ZNF638: variants seen among roughly 807,000 people sequenced by gnomAD.
ZNF638 encodes zinc finger protein 638.
In ZNF638, 46 loss-of-function variants were observed where a neutral mutation model predicts 195.6. The ratio of observed to expected loss-of-function variants is 0.24; its 90% CI spans 0.19 to 0.30. ZNF638 has a LOEUF of 0.30. Ranked by LOEUF, ZNF638 falls within the 10% of genes least tolerant of loss-of-function variation. The probability of loss-of-function intolerance (pLI) is 1.00; values close to 1 mark genes in which losing one functional copy is unlikely to be tolerated. For missense variants in ZNF638, 2,440 were observed against 2,325.3 expected (o/e 1.05, Z -1.01); for synonymous variants, 845 against 772.0 (o/e 1.09, Z -1.57).
intron 10 of ZNF638, among the ~76,000 whole-genome samples, chr2:71,381,949 C>A (rs974876912): frequency 2.6e-5 from 4 of 151,888 alleles, no homozygotes; most frequent in Non-Finnish European, 4.4e-5. Context: ...ATGTAAAAAT[C>A]CCACTGAGAA....
intron 10 of ZNF638, among the ~76,000 whole-genome samples, chr2:71,382,841 A>G (rs1442566117): frequency 2.6e-5 from 4 of 152,194 alleles, no homozygotes; most frequent in Admixed American, 6.5e-5. Context: ...TAAAGTTAGA[A>G]TTTAGTGTAC....
chr2:71,346,849 A>C (rs1406842023), intron 1 of ZNF638, among the ~76,000 whole-genome samples: 4 of 152,014 alleles, frequency 2.6e-5, no homozygotes, highest in African/African-American at 4.8e-5. Flanking sequence ...ACGAAACCCC[A>C]TCTCTACTAA....
intron 10 of ZNF638, among the ~76,000 whole-genome samples, chr2:71,385,881 A>G (rs1462885522): frequency 1.3e-5 from 2 of 152,200 alleles, no homozygotes; most frequent in African/African-American, 2.4e-5. Context: ...AGGAATATTA[A>G]TGTTAAATTT....
At chr2:71,418,285 T>C (rs2080346703) in intron 20 of ZNF638, 2 of 205,868 alleles carry the variant, frequency 9.7e-6, no homozygotes, top group Middle Eastern at 1.7e-3. Flanking sequence ...AAGATGTTGA[T>C]ATTTCACATT....
intron 17 of ZNF638, among the ~76,000 whole-genome samples, chr2:71,404,613 A>G (rs951460752): frequency 6.6e-6 from 1 of 152,136 alleles, no homozygotes; most frequent in Non-Finnish European, 1.5e-5. Context: ...GCTCCTCAGG[A>G]TGCTGAGGTA....
chr2:71,383,956 C>T, intron 10 of ZNF638, among the ~76,000 whole-genome samples: 1 of 151,788 alleles, frequency 6.6e-6, no homozygotes, highest in East Asian at 1.9e-4. Flanking sequence ...CCCTTACGTA[C>T]ATAAACTCTT....
chr2:71,430,458 C>T (rs1276918371), intron 25 of ZNF638, among the ~76,000 whole-genome samples: 2 of 152,078 alleles, frequency 1.3e-5, no homozygotes, highest in Non-Finnish European at 2.9e-5. Flanking sequence ...AGTTCCTTGC[C>T]ATCCCCTCAG....
At chr2:71,372,711 T>G (rs1412840224) in intron 8 of ZNF638, among the ~76,000 whole-genome samples, 1 of 152,186 alleles carries the variant, frequency 6.6e-6, no homozygotes, top group Non-Finnish European at 1.5e-5. Context: ...TAGGGTTCTA[T>G]TCTACCATTT....
chr2:71,377,666 G>C (rs1353596912), intron 8 of ZNF638, among the ~76,000 whole-genome samples: 1 of 152,234 alleles, frequency 6.6e-6, no homozygotes, highest in African/African-American at 2.4e-5. Context: ...AGAGAGGTGT[G>C]ATCCTACTCT....
At chr2:71,367,513 A>G (rs185044228) in intron 6 of ZNF638, among the ~76,000 whole-genome samples, 106 of 149,362 alleles carry the variant, frequency 7.1e-4, no homozygotes, top group African/African-American at 2.5e-3. Context: ...GGCTCACACA[A>G]CCTCCGCCTC....
chr2:71,400,410 C>T, intron 14 of ZNF638, 68 bp from the exon 15 acceptor site: 1 of 1,462,718 alleles, frequency 6.8e-7, no homozygotes, highest in Middle Eastern at 1.8e-4. Flanking sequence ...ACTGTTTAAC[C>T]TATTGTGGAA....
intron 21 of ZNF638, among the ~76,000 whole-genome samples, chr2:71,420,028 T>C (rs1265930945): frequency 2.2e-5 from 3 of 134,192 alleles, no homozygotes; most frequent in African/African-American, 8.3e-5. Context: ...AGATGTGGGA[T>C]ATGTCCAGAA....
At chr2:71,433,111 A>G in intron 26 of ZNF638, 54 bp from the exon 27 acceptor site, 3 of 1,292,154 alleles carry the variant, frequency 2.3e-6, no homozygotes, top group South Asian at 1.2e-5. Flanking sequence ...ATCGATGAAC[A>G]CAACTGGAGA....
At chr2:71,343,286 G>C (rs2078795060) in intron 1 of ZNF638, among the ~76,000 whole-genome samples, 1 of 152,144 alleles carries the variant, frequency 6.6e-6, no homozygotes. Context: ...TGTCATGTTA[G>C]GCTCTCAGAA....
intron 15 of ZNF638, among the ~76,000 whole-genome samples, chr2:71,401,480 A>G (rs1295254882): frequency 6.6e-6 from 1 of 152,156 alleles, no homozygotes; most frequent in Non-Finnish European, 1.5e-5. Context: ...GCTTGGGGAT[A>G]TTATCACAAG....
At chr2:71,386,871 T>G (rs2079651713) in intron 10 of ZNF638, among the ~76,000 whole-genome samples, 1 of 152,014 alleles carries the variant, frequency 6.6e-6, no homozygotes, top group Admixed American at 6.6e-5. Flanking sequence ...TTTTCTTTTC[T>G]TCTTTTTTTT....
intron 21 of ZNF638, 45 bp downstream of exon 21, chr2:71,418,684 T>G: frequency 7.2e-7 from 1 of 1,384,446 alleles, no homozygotes; most frequent in Non-Finnish European, 9.8e-7. Context: ...AGTATTTAGT[T>G]TCTGAATTTT....
intron 6 of ZNF638, among the ~76,000 whole-genome samples, chr2:71,366,047 GACAA>G (rs1470751700): frequency 2.0e-5 from 3 of 152,122 alleles, no homozygotes; most frequent in Admixed American, 2.0e-4. Flanking sequence ...CATTTGCTAT[GACAA>G]ACAGAAAACA....
intron 22 of ZNF638, 58 bp downstream of exon 22, chr2:71,424,096 G>A: frequency 6.4e-7 from 1 of 1,552,098 alleles, no homozygotes. Context: ...CTCCGCTGCT[G>A]TAGCTATGTA....
Sources: allele counts gnomAD v4.1 joint callset (sites outside exome capture counted in the v4.1 genomes callset), GRCh38; gene constraint gnomAD v4.1.1; transcripts MANE v1.5; gene names NCBI Gene and HGNC (gene_info 2026-07-23, HGNC 2026-07-21).